CNTNAP5: variants seen among roughly 807,000 people sequenced by gnomAD.
CNTNAP5 encodes contactin-associated protein-like 5.
In CNTNAP5, 72 loss-of-function variants were observed where a neutral mutation model predicts 150.2. The observed-to-expected ratio is 0.48, with a 90% CI of 0.40 to 0.58. The LOEUF (loss-of-function observed/expected upper bound fraction) is 0.58. Among genes scored for constraint, CNTNAP5 ranks in the 20% least tolerant of loss-of-function variants. The pLI, the probability that CNTNAP5 is intolerant of heterozygous loss-of-function variation, is 0.00. For missense variants in CNTNAP5, 1,636 were observed against 1,626.2 expected (o/e 1.01, Z -0.10); for synonymous variants, 672 against 619.8 (o/e 1.08, Z -1.25).
chr2:124,474,572 G>A (rs1443019421), intron 6 of CNTNAP5, among the ~76,000 whole-genome samples, 167 bp from the exon 7 acceptor site: 1 of 152,038 alleles, frequency 6.6e-6, no homozygotes, highest in Non-Finnish European at 1.5e-5. Context: ...TTTTTACATA[G>A]GCTAATCAGT....
At chr2:124,130,983 T>C (rs1683830278) in intron 1 of CNTNAP5, among the ~76,000 whole-genome samples, 1 of 152,188 alleles carries the variant, frequency 6.6e-6, no homozygotes, top group Admixed American at 6.5e-5. Flanking sequence ...ATAAAGACTC[T>C]GAGAAGAATA....
At chr2:124,631,257 G>A (rs536896394) in intron 12 of CNTNAP5, among the ~76,000 whole-genome samples, 4 of 151,834 alleles carry the variant, frequency 2.6e-5, no homozygotes, top group Admixed American at 6.6e-5. Flanking sequence ...AAAAAAGCTC[G>A]CATAGCCAAG....
intron 19 of CNTNAP5, among the ~76,000 whole-genome samples, chr2:124,800,773 G>A (rs1456868140): frequency 6.6e-6 from 1 of 152,112 alleles, no homozygotes; most frequent in Non-Finnish European, 1.5e-5. Flanking sequence ...AATCAAGAAG[G>A]TACTTGTGCC....
chr2:124,270,551 A>G (rs530351562), intron 3 of CNTNAP5, among the ~76,000 whole-genome samples: 50 of 152,302 alleles, frequency 3.3e-4, no homozygotes, highest in Non-Finnish European at 6.5e-4. Flanking sequence ...GGCCAGGGTC[A>G]CGTCTGTTTG....
intron 13 of CNTNAP5, among the ~76,000 whole-genome samples, chr2:124,734,760 C>T (rs962931644): frequency 1.1e-4 from 17 of 152,090 alleles, no homozygotes; most frequent in Admixed American, 2.6e-4. Context: ...TGTAACCTAA[C>T]GCATGCGATT....
At chr2:124,155,075 G>GTTTTTTTTTTTTTTTT in intron 1 of CNTNAP5, among the ~76,000 whole-genome samples, 1 of 81,374 alleles carries the variant, frequency 1.2e-5, no homozygotes, top group Non-Finnish European at 2.3e-5. Context: ...AACCATTCCC[G>GTTTTTTTTTTTTTTTT]TTTTTTTTTT....
At position 124,222,285 on chromosome 2, in the gene CNTNAP5, A is replaced by G. The variant is rs72962822; in HGVS notation, c.187+476A>G. ...TAATCTGTTATTCTACCAGCTAGAAATAACTGTAGTTAAGTATATGGTGTT... is the reference window on the plus strand; with the variant it reads ...TAATCTGTTATTCTACCAGCTAGAAGTAACTGTAGTTAAGTATATGGTGTT... On this transcript the variant is annotated intron_variant, in intron 2 of 23. Coordinates refer to ENST00000682447, the MANE Select transcript of CNTNAP5 (RefSeq NM_001367498.1). 3.3e-3 allele frequency among the ~76,000 whole-genome samples: 500 copies of G among 152,270 alleles called. 3 individuals are homozygous for G. Among genetic ancestry groups the G allele is most frequent in the African/African-American group, 0.011 (473 of 41,562 alleles).
At chr2:124,624,768 G>T (rs951516444) in intron 12 of CNTNAP5, among the ~76,000 whole-genome samples, 12 of 152,210 alleles carry the variant, frequency 7.9e-5, no homozygotes, top group Non-Finnish European at 4.4e-5. Flanking sequence ...AACAGGGGTT[G>T]AAAGTACACA....
At chr2:124,552,240 T>C (rs1287809863) in intron 10 of CNTNAP5, among the ~76,000 whole-genome samples, 3 of 152,166 alleles carry the variant, frequency 2.0e-5, no homozygotes, top group African/African-American at 4.8e-5. Context: ...TAGACTTGGG[T>C]TTAAATGTTC....
In CNTNAP5 at chr2:124,603,542, G is replaced by A. The variant is rs543256523; in HGVS notation, c.1757-6259G>A. Among the ~76,000 whole-genome samples the A allele has an allele frequency of 1.4e-4, 22 of 152,296 alleles. No individual in the cohort carries two copies. In the South Asian group the frequency reaches 4.6e-3, roughly 32 times the overall value. ...TTTATCTCACTGGGCATTACTAAAG[G>A]ATGATTTTCAAATTCTATTATTCTT... On this transcript the variant is annotated intron_variant, in intron 11 of 23. Transcript: ENST00000682447.
intron 3 of CNTNAP5, among the ~76,000 whole-genome samples, chr2:124,324,085 C>T (rs1417696375): frequency 6.6e-6 from 1 of 152,146 alleles, no homozygotes; most frequent in Non-Finnish European, 1.5e-5. Flanking sequence ...AAAGACTTGA[C>T]TATCTATTAT....
chr2:124,487,128 A>G (rs140499550), intron 7 of CNTNAP5, among the ~76,000 whole-genome samples: 2 of 152,244 alleles, frequency 1.3e-5, no homozygotes, highest in African/African-American at 4.8e-5. Context: ...GTGGCTAGTG[A>G]TTACTTCAGT....
At chr2:124,089,736 G>A (rs1445974372) in intron 1 of CNTNAP5, among the ~76,000 whole-genome samples, 1 of 152,180 alleles carries the variant, frequency 6.6e-6, no homozygotes. Flanking sequence ...AGGACTATGA[G>A]TTCACTTATT....
At chr2:124,152,242 G>T (rs1019792841) in intron 1 of CNTNAP5, among the ~76,000 whole-genome samples, 1 of 152,128 alleles carries the variant, frequency 6.6e-6, no homozygotes, top group Non-Finnish European at 1.5e-5. Context: ...CCCAAGAAGT[G>T]AAGCAACACA....
intron 19 of CNTNAP5, among the ~76,000 whole-genome samples, chr2:124,818,778 C>A (rs928460617): frequency 6.6e-6 from 1 of 152,112 alleles, no homozygotes; most frequent in Non-Finnish European, 1.5e-5. Flanking sequence ...GCATGAGAGA[C>A]CAACTGCATT....
At chr2:124,579,157 A>T (rs1163551107) in intron 11 of CNTNAP5, among the ~76,000 whole-genome samples, 1 of 152,244 alleles carries the variant, frequency 6.6e-6, no homozygotes, top group Non-Finnish European at 1.5e-5. Context: ...ATCAAAAATA[A>T]TGCTGCCAGG....
At chr2:124,844,478 T>A (rs1683006020) in intron 19 of CNTNAP5, among the ~76,000 whole-genome samples, 1 of 152,170 alleles carries the variant, frequency 6.6e-6, no homozygotes, top group African/African-American at 2.4e-5. Flanking sequence ...TTGCTTAGTC[T>A]TGCTTTGCCT....
chr2:124,457,724 T>C lies in CNTNAP5; in HGVS notation c.918+10787T>C, dbSNP rs553599148. Among the ~76,000 whole-genome samples the C allele has an allele frequency of 5.3e-5, 8 of 152,062 alleles. No individual in the cohort carries two copies. The South Asian group carries it at 1.7e-3, about 32-fold the overall frequency. On this transcript the variant is annotated intron_variant, in intron 6 of 23. Coordinates refer to ENST00000682447, the MANE Select transcript of CNTNAP5 (RefSeq NM_001367498.1). ...AATATACATATATATTTATTATACT[T>C]TAAGTTCTAGGGTACATGTGCACAA...
chr2:124,330,628 A>C (rs1689327039), intron 3 of CNTNAP5, among the ~76,000 whole-genome samples: 1 of 152,160 alleles, frequency 6.6e-6, no homozygotes, highest in Non-Finnish European at 1.5e-5. Context: ...CATGATTGTA[A>C]GTTTCCTGAG....
Sources: allele counts gnomAD v4.1 joint callset (sites outside exome capture counted in the v4.1 genomes callset), GRCh38; gene constraint gnomAD v4.1.1; transcripts MANE v1.5; gene names NCBI Gene and HGNC (gene_info 2026-07-23, HGNC 2026-07-21).